TMEM67: variants seen among roughly 807,000 people sequenced by gnomAD.
The protein encoded by TMEM67 is meckelin.
In TMEM67, 124 loss-of-function variants were observed where a neutral mutation model predicts 136.6. The ratio of observed to expected loss-of-function variants is 0.91; its 90% CI spans 0.78 to 1.05. The LOEUF (loss-of-function observed/expected upper bound fraction) is 1.05. Among genes scored for constraint, TMEM67 ranks in the 50% least tolerant of loss-of-function variants. The pLI, the probability that TMEM67 is intolerant of heterozygous loss-of-function variation, is 0.00. For synonymous variants in TMEM67, 364 were observed against 390.5 expected, an observed-to-expected ratio of 0.93 and a Z score of 0.80; for missense variants, 1,107 against 1,178.4, an observed-to-expected ratio of 0.94 and a Z score of 0.89.
chr8:93,758,061 T>G (rs1812661140), intron 2 of TMEM67, among the ~76,000 whole-genome samples: 1 of 152,216 alleles, frequency 6.6e-6, no homozygotes, highest in Admixed American at 6.5e-5. Flanking sequence ...TGGACTAAAT[T>G]TTTTAGGTAT....
chr8:93,786,412 A>C (rs1255053734), intron 13 of TMEM67, 66 bp downstream of exon 13: 3 of 1,560,244 alleles, frequency 1.9e-6, no homozygotes, highest in Admixed American at 1.7e-5. Context: ...GCCAGTCATT[A>C]GTAGATGAAA....
At chr8:93,763,552 A>T (rs929333440) in intron 3 of TMEM67, among the ~76,000 whole-genome samples, 2 of 152,202 alleles carry the variant, frequency 1.3e-5, no homozygotes, top group Admixed American at 6.5e-5. Context: ...GAGGAAAAAA[A>T]TACTGACTTA....
At chr8:93,792,170 AATTTT>A (rs1160765009) in intron 15 of TMEM67, among the ~76,000 whole-genome samples, 3 of 150,702 alleles carry the variant, frequency 2.0e-5, no homozygotes, top group Admixed American at 2.0e-4. Context: ...CCGGCCCTCT[AATTTT>A]ATTTTATTTT....
At chr8:93,830,120 C>A in the TMEM67 span, among the ~76,000 whole-genome samples, 1 of 152,142 alleles carries the variant, frequency 6.6e-6, no homozygotes, top group African/African-American at 2.4e-5. Context: ...AGATCATATC[C>A]CTTTGTCCAA....
Position 93,816,434 on chromosome 8 carries a change from T to C in TMEM67, c.2970T>C (p.Asp990=). ...ATTTGGCATCCAAAACATTGGTGGA[T>C]CAAAGATTTTTGATTTAACTTCCTG... ...QKNLASKTLV[D]QRFLI Residue 990 remains aspartate, a synonymous_variant, in exon 28 of 28, where the codon GAT becomes GAC. Transcript: ENST00000453321. 6.3e-7 allele frequency: 1 copy of C among 1,593,688 alleles called. No homozygotes were observed. Among genetic ancestry groups the C allele is most frequent in the South Asian group, 1.1e-5 (1 of 89,760 alleles).
At chr8:93,767,239 T>C (rs1008324971) in intron 6 of TMEM67, among the ~76,000 whole-genome samples, 1 of 152,238 alleles carries the variant, frequency 6.6e-6, no homozygotes, top group East Asian at 1.9e-4. Context: ...AAAGATGTCA[T>C]GTTCTTTTCA....
At chr8:93,761,555 G>A (rs1812834121) in intron 3 of TMEM67, among the ~76,000 whole-genome samples, 1 of 151,974 alleles carries the variant, frequency 6.6e-6, no homozygotes, top group African/African-American at 2.4e-5. Context: ...TTATTCCTAA[G>A]ACAAAAGATT....
intron 9 of TMEM67, among the ~76,000 whole-genome samples, chr8:93,781,319 C>T (rs1029553647): frequency 2.0e-5 from 3 of 152,168 alleles, no homozygotes; most frequent in Non-Finnish European, 2.9e-5. Flanking sequence ...TGACATTGCT[C>T]AGCACTTCAC....
At position 93,804,799 on chromosome 8, in the gene TMEM67, A is replaced by G; in HGVS notation, c.2360A>G (p.Tyr787Cys). 3 of 1,607,992 alleles carry G rather than the reference A, an allele frequency of 1.9e-6. No homozygotes were observed. Among genetic ancestry groups the G allele is most frequent in the East Asian group, 2.2e-5 (1 of 44,744 alleles). ...VFLLSHKCFG[Y>C]YIHGRSVHGH... ...CTGTTATCCCACAAATGTTTTGGAT[A>G]TTACATTCATGGTAGATCAGTACAT... Residue 787 changes from tyrosine (Y) to cysteine (C), a missense_variant, in exon 23 of 28, where the codon TAT becomes TGT. Around this residue, in one of 3 missense-constraint regions of TMEM67, gnomAD observed 925 missense variants for 1,002.4 expected, o/e 0.92. Coordinates refer to ENST00000453321, the MANE Select transcript of TMEM67 (RefSeq NM_153704.6).
At chr8:93,827,199 A>G in the TMEM67 span, among the ~76,000 whole-genome samples, 1 of 152,236 alleles carries the variant, frequency 6.6e-6, no homozygotes, top group Non-Finnish European at 1.5e-5. Flanking sequence ...TAAAAAGTAC[A>G]TCAGTTTAAA....
downstream of TMEM67, among the ~76,000 whole-genome samples, chr8:93,818,480 A>G (rs908023768): frequency 6.6e-6 from 1 of 152,192 alleles, no homozygotes; most frequent in Non-Finnish European, 1.5e-5. Context: ...CTGATGACCT[A>G]CATTGAGGAA....
At chr8:93,773,866 A>G (rs1813423266) in intron 7 of TMEM67, among the ~76,000 whole-genome samples, 1 of 152,014 alleles carries the variant, frequency 6.6e-6, no homozygotes, top group Non-Finnish European at 1.5e-5. Context: ...TTCTTCTTTC[A>G]GTTTCTTGTC....
Position 93,782,430 on chromosome 8 carries a change from T to C in TMEM67, c.1101T>C (p.Ala367=), listed in dbSNP as rs758498141. ...ACACAGAGACAAGGCTAAATGCTGC[T>C]TATTCATTTGGAACAACCTACCAAC... The part of the protein sequence containing the change: ...CPDTETRLNA[A]YSFGTTYQQN... The change falls in exon 11 of 28, where the codon GCT becomes GCC. Residue 367 remains alanine (A), a synonymous_variant. Transcript: ENST00000453321. The C allele has an allele frequency of 6.2e-7, 1 of 1,613,180 alleles. No homozygotes were observed. Among genetic ancestry groups the C allele is most frequent in the South Asian group, 1.1e-5 (1 of 91,032 alleles).
intron 25 of TMEM67, 78 bp downstream of exon 25, chr8:93,809,239 C>A: frequency 1.1e-6 from 1 of 879,098 alleles, no homozygotes; most frequent in South Asian, 1.3e-5. Context: ...TCAATTATTT[C>A]TTCAAGTCAA....
rs1813848968 is a variant in TMEM67 at position 93,781,891 on chromosome 8, AG to A, written c.1065+148del. ...TGATGCTTTAAATTAGACTTTCTTA[AG>A]TTTTTTGTTTGTTTGTTTGTTTGTT... On this transcript the variant is annotated intron_variant, in intron 10 of 27. Coordinates refer to ENST00000453321, the MANE Select transcript of TMEM67 (RefSeq NM_153704.6). 1.3e-5 allele frequency: 7 copies of A among 526,240 alleles called. No homozygotes were observed. The South Asian group carries it at 2.2e-4, about 17-fold the overall frequency. The allele number at this position is 526,240 out of a possible 1,614,324, so 32.6% of individuals were successfully genotyped here. A position where few individuals can be genotyped will look rare whatever the true frequency, so the allele number is the denominator to read the frequency against.
rs1335674003 is a variant in TMEM67, at chr8:93,781,566, A to G, written c.979-92A>G. 1.1e-5 allele frequency: 6 copies of G among 567,038 alleles called. No individual in the cohort carries two copies. In the African/African-American group the frequency reaches 1.2e-4, roughly 11 times the overall value. The allele number at this position is 567,038 out of a possible 1,614,324, so 35.1% of individuals were successfully genotyped here. On this transcript the variant is annotated intron_variant, in intron 9 of 27. Coordinates refer to ENST00000453321, the MANE Select transcript of TMEM67 (RefSeq NM_153704.6). ...AGATAATTGAATGTAATTTTTCAACAAAAAAGATCAGTCAACAATGAAAAT... is the reference window on the plus strand; with the variant it reads ...AGATAATTGAATGTAATTTTTCAACGAAAAAGATCAGTCAACAATGAAAAT...
chr8:93,811,942 G>C (rs191261147), intron 26 of TMEM67, among the ~76,000 whole-genome samples: 34 of 151,936 alleles, frequency 2.2e-4, no homozygotes, highest in African/African-American at 7.7e-4. Flanking sequence ...CTGAGGTCAG[G>C]AGTTCGAGAC....
chr8:93,827,497 A>C, the TMEM67 span, among the ~76,000 whole-genome samples: 1 of 152,210 alleles, frequency 6.6e-6, no homozygotes, highest in South Asian at 2.1e-4. Context: ...GGAGGGTGGC[A>C]AGCGATCCTC....
intron 14 of TMEM67, among the ~76,000 whole-genome samples, chr8:93,790,102 T>C (rs1439317436): frequency 1.3e-5 from 2 of 152,186 alleles, no homozygotes; most frequent in South Asian, 4.2e-4. Flanking sequence ...GAAACTACAT[T>C]GATGAAGTCC....
Sources: gnomAD v4.1 joint callset for allele counts (sites outside exome capture counted in the v4.1 genomes callset) on GRCh38, gnomAD v4.1.1 for gene constraint, gnomAD v4.1.1 regional missense constraint, MANE v1.5 for transcripts, NCBI Gene and HGNC (gene_info 2026-07-23, HGNC 2026-07-21) for gene names.